The following CCSER1 variants were observed in gnomAD, a reference collection of about 807,000 sequenced individuals.
CCSER1 encodes coiled-coil serine rich protein 1.
In CCSER1, 41 loss-of-function variants were observed where a neutral mutation model predicts 82.0. That is an observed-to-expected ratio of 0.50 (90% CI 0.39 to 0.65). The LOEUF is 0.65. Ranked by LOEUF, CCSER1 falls within the 30% of genes least tolerant of loss-of-function variation. The probability of loss-of-function intolerance (pLI) is 0.00; values close to 1 mark genes in which losing one functional copy is unlikely to be tolerated. For synonymous variants in CCSER1, 414 were observed against 383.9 expected, an observed-to-expected ratio of 1.08 and a Z score of -0.92; for missense variants, 1,119 against 1,064.2, an observed-to-expected ratio of 1.05 and a Z score of -0.72.
In CCSER1 at chr4:91,219,675, G is replaced by T. The variant is rs182361172; in HGVS notation, c.2217+133681G>T. On this transcript the variant is annotated intron_variant, in intron 10 of 10. Coordinates refer to ENST00000509176, the MANE Select transcript of CCSER1 (RefSeq NM_001145065.2). ...AAGGAAGTTAGGAAGAGATTCACAA[G>T]AACTTTCTCTGAGCTACATTCACTT... Among the ~76,000 whole-genome samples the T allele has an allele frequency of 6.6e-4, 101 of 152,226 alleles. 1 individual carries two copies. Among genetic ancestry groups the T allele is most frequent in the African/African-American group, 2.3e-3 (94 of 41,526 alleles).
chr4:90,339,572 T>G (rs1327025140), intron 3 of CCSER1, among the ~76,000 whole-genome samples: 1 of 152,110 alleles, frequency 6.6e-6, no homozygotes, highest in Admixed American at 6.6e-5. Context: ...TCTTAATTTT[T>G]CTTGGGCTTG....
At chr4:91,590,496 G>A (rs972752592) in intron 10 of CCSER1, among the ~76,000 whole-genome samples, 1 of 152,070 alleles carries the variant, frequency 6.6e-6, no homozygotes, top group African/African-American at 2.4e-5. Flanking sequence ...AACAGACACA[G>A]CAATGGTGCC....
At chr4:90,911,821 C>G (rs1339481714) in intron 8 of CCSER1, among the ~76,000 whole-genome samples, 1 of 152,184 alleles carries the variant, frequency 6.6e-6, no homozygotes, top group African/African-American at 2.4e-5. Flanking sequence ...AACGGCACAC[C>G]AGGAGATTAT....
chr4:91,222,955 A>G (rs1261827988), intron 10 of CCSER1, among the ~76,000 whole-genome samples: 1 of 152,206 alleles, frequency 6.6e-6, no homozygotes, highest in African/African-American at 2.4e-5. Flanking sequence ...CTTGGTGTAA[A>G]AAAATCACAA....
chr4:91,153,616 C>G lies in CCSER1; in HGVS notation c.2217+67622C>G, dbSNP rs529956741. Reference sequence around the variant, plus strand: ...TTTTAGAGTTTTCAGCTTTTTTGCTCTGGTTTCTCCCCATCTTTGTGGTTT... The same window carrying G: ...TTTTAGAGTTTTCAGCTTTTTTGCTGTGGTTTCTCCCCATCTTTGTGGTTT... On this transcript the variant is annotated intron_variant, in intron 10 of 10. Coordinates refer to ENST00000509176, the MANE Select transcript of CCSER1 (RefSeq NM_001145065.2). Among the ~76,000 whole-genome samples the G allele has an allele frequency of 4.6e-5, 7 of 152,010 alleles. No individual in the cohort carries two copies. In the South Asian group the frequency reaches 8.3e-4, roughly 18 times the overall value.
intron 10 of CCSER1, among the ~76,000 whole-genome samples, chr4:91,315,823 A>G (rs1745792864): frequency 6.6e-6 from 1 of 152,006 alleles, no homozygotes; most frequent in Admixed American, 6.6e-5. Context: ...TCCACAGCTT[A>G]TAAGCCATGT....
intron 8 of CCSER1, among the ~76,000 whole-genome samples, chr4:90,856,111 G>A (rs1474842916): frequency 6.6e-6 from 1 of 151,952 alleles, no homozygotes; most frequent in African/African-American, 2.4e-5. Context: ...AACTCAATTT[G>A]GTTATTCCCC....
In CCSER1 at chr4:90,531,550, G is replaced by A. The variant is rs182897981; in HGVS notation, c.1724+63196G>A. ...AGCTTTTTAAATCTGTAAGAAGAGG[G>A]GCAATACTTTCATTGCAACTTTGAA... On this transcript the variant is annotated intron_variant, in intron 5 of 10. Coordinates refer to ENST00000509176, the MANE Select transcript of CCSER1 (RefSeq NM_001145065.2). Among the ~76,000 whole-genome samples the A allele has an allele frequency of 3.1e-4, 47 of 152,040 alleles. No individual in the cohort carries two copies. In the East Asian group the frequency reaches 8.7e-3, roughly 28 times the overall value.
chr4:90,880,478 G>T (rs1721138512), intron 8 of CCSER1, among the ~76,000 whole-genome samples: 1 of 152,164 alleles, frequency 6.6e-6, no homozygotes, highest in South Asian at 2.1e-4. Context: ...TGGGTCAACT[G>T]CAGCTTATTG....
intron 6 of CCSER1, among the ~76,000 whole-genome samples, chr4:90,699,579 G>A (rs1441942998): frequency 1.3e-5 from 2 of 152,134 alleles, no homozygotes; most frequent in Non-Finnish European, 2.9e-5. Context: ...TGTCGTTGCT[G>A]ACTATTCAGA....
intron 10 of CCSER1, among the ~76,000 whole-genome samples, chr4:91,134,065 C>T (rs1561574828): frequency 6.6e-6 from 1 of 152,188 alleles, no homozygotes; most frequent in African/African-American, 2.4e-5. Flanking sequence ...TGCCACTGCA[C>T]TCCAGCCTGG....
At chr4:91,030,449 C>T (rs1032171055) in intron 9 of CCSER1, among the ~76,000 whole-genome samples, 2 of 152,014 alleles carry the variant, frequency 1.3e-5, no homozygotes, top group African/African-American at 4.8e-5. Flanking sequence ...AACTAACTAC[C>T]TGTGGCTATT....
At chr4:91,269,179 G>C (rs1741839336) in intron 10 of CCSER1, among the ~76,000 whole-genome samples, 1 of 152,166 alleles carries the variant, frequency 6.6e-6, no homozygotes, top group South Asian at 2.1e-4. Context: ...CCTTGGGCAG[G>C]TCTATGCTCC....
intron 9 of CCSER1, among the ~76,000 whole-genome samples, chr4:91,056,023 G>A (rs931035411): frequency 6.6e-6 from 1 of 151,978 alleles, no homozygotes; most frequent in African/African-American, 2.4e-5. Flanking sequence ...TTCAGCTCCA[G>A]ATTTTCTCTT....
chr4:90,869,783 A>G (rs528939961), intron 8 of CCSER1, among the ~76,000 whole-genome samples: 35 of 151,794 alleles, frequency 2.3e-4, no homozygotes, highest in Non-Finnish European at 3.8e-4. Context: ...GAATCTATAG[A>G]TTGCTTTAGC....
At chr4:90,361,637 C>T (rs1000650152) in intron 3 of CCSER1, among the ~76,000 whole-genome samples, 2 of 152,192 alleles carry the variant, frequency 1.3e-5, no homozygotes, top group Non-Finnish European at 2.9e-5. Context: ...GGTAGTTTTT[C>T]AGCCCTTGCC....
At chr4:90,507,853 A>G (rs1224184427) in intron 5 of CCSER1, among the ~76,000 whole-genome samples, 1 of 152,026 alleles carries the variant, frequency 6.6e-6, no homozygotes, top group East Asian at 1.9e-4. Context: ...CTTTTAAAAG[A>G]TGATTTCCAT....
chr4:91,346,499 T>C (rs1313800016), intron 10 of CCSER1, among the ~76,000 whole-genome samples: 1 of 152,176 alleles, frequency 6.6e-6, no homozygotes, highest in Non-Finnish European at 1.5e-5. Context: ...CTTAGGTAAA[T>C]ACTAAGGAGC....
intron 9 of CCSER1, among the ~76,000 whole-genome samples, chr4:91,030,826 T>A (rs1740919332): frequency 6.6e-6 from 1 of 152,102 alleles, no homozygotes; most frequent in South Asian, 2.1e-4. Context: ...GCTGTATAAA[T>A]TAAATTTAAA....
Sources: allele counts gnomAD v4.1 joint callset (sites outside exome capture counted in the v4.1 genomes callset), GRCh38; gene constraint gnomAD v4.1.1; transcripts MANE v1.5; gene names NCBI Gene and HGNC (gene_info 2026-07-23, HGNC 2026-07-21).